Variants in CCDC57 observed in about 807,000 individuals in gnomAD.
CCDC57 encodes coiled-coil domain containing 57, also known as coiled-coil domain-containing protein 57.
In CCDC57, 118 loss-of-function variants were observed where a neutral mutation model predicts 118.9. That is an observed-to-expected ratio of 0.99 (90% CI 0.86 to 1.16). CCDC57 has a LOEUF of 1.16. CCDC57 is among the 50% of genes most tolerant of loss of function. The pLI is 0.00. For missense variants in CCDC57, 1,300 were observed against 1,320.7 expected (o/e 0.98, Z 0.24); for synonymous variants, 527 against 532.9 (o/e 0.99, Z 0.15).
intron 7 of CCDC57, among the ~76,000 whole-genome samples, chr17:82,191,863 T>A (rs2047703453): frequency 6.6e-6 from 1 of 151,900 alleles, no homozygotes; most frequent in Admixed American, 6.6e-5. Flanking sequence ...AGAAGGGGTT[T>A]TGCTATGTTG....
At chr17:82,103,838 C>A (rs564194144) in intron 19 of CCDC57, among the ~76,000 whole-genome samples, 45 of 149,008 alleles carry the variant, frequency 3.0e-4, no homozygotes, top group African/African-American at 1.1e-3. Flanking sequence ...CAGGGAGGGG[C>A]AGGGAGGGGC....
chr17:82,119,115 T>C (rs1374638809), intron 19 of CCDC57, among the ~76,000 whole-genome samples: 6 of 2,174 alleles, frequency 2.8e-3, no homozygotes, highest in Non-Finnish European at 4.3e-3. Context: ...GGGGTGGGAG[T>C]GGGGGCAGGG....
At chr17:82,152,444 T>G in intron 15 of CCDC57, 1 of 154,290 alleles carries the variant, frequency 6.5e-6, no homozygotes, top group Non-Finnish European at 1.4e-5. Context: ...CTGGCTGGGC[T>G]CCCCCTTAGC....
At chr17:82,196,064 A>C (rs1326712893) in intron 4 of CCDC57, among the ~76,000 whole-genome samples, 2 of 152,238 alleles carry the variant, frequency 1.3e-5, no homozygotes, top group African/African-American at 4.8e-5. Flanking sequence ...AGTCAGCCAT[A>C]GTCACGGCCC....
intron 13 of CCDC57, among the ~76,000 whole-genome samples, chr17:82,166,343 C>G (rs2043980285): frequency 9.0e-6 from 1 of 110,770 alleles, no homozygotes; most frequent in Non-Finnish European, 1.8e-5. Context: ...AACCCCATCT[C>G]TACAAAAAAA....
chr17:82,132,453 A>G (rs1038206077), intron 17 of CCDC57, among the ~76,000 whole-genome samples: 5 of 152,148 alleles, frequency 3.3e-5, no homozygotes, highest in African/African-American at 1.2e-4. Flanking sequence ...TGCAGTGGGA[A>G]TTCGGGACTG....
intron 19 of CCDC57, among the ~76,000 whole-genome samples, chr17:82,115,290 GA>G (rs1161095193): frequency 7.7e-5 from 11 of 142,120 alleles, no homozygotes; most frequent in Non-Finnish European, 1.7e-4. Flanking sequence ...GAGGGGGCAA[GA>G]GGGGGCAAGA....
chr17:82,194,228 G>A, intron 5 of CCDC57, 89 bp from the exon 5 acceptor site: 1 of 1,351,706 alleles, frequency 7.4e-7, no homozygotes, highest in Non-Finnish European at 1.0e-6. Flanking sequence ...TATCAGGATT[G>A]GGAGGGAGAA....
intron 11 of CCDC57, among the ~76,000 whole-genome samples, chr17:82,175,071 G>A (rs764272573): frequency 6.6e-6 from 1 of 152,216 alleles, no homozygotes; most frequent in African/African-American, 2.4e-5. Context: ...TAAGAAAATC[G>A]CTAGGTGCGT....
chr17:82,107,046 G>A (rs562559625), intron 19 of CCDC57, among the ~76,000 whole-genome samples: 16 of 152,246 alleles, frequency 1.1e-4, no homozygotes, highest in African/African-American at 3.1e-4. Context: ...GCAGGAGGGC[G>A]GACAGCTGGG....
chr17:82,148,125 A>AGATGGATGGATG (rs143199335), intron 16 of CCDC57, among the ~76,000 whole-genome samples: 11 of 75,858 alleles, frequency 1.5e-4, no homozygotes, highest in African/African-American at 6.6e-4. Flanking sequence ...TTGGATGGTT[A>AGATGGATGGATG]GATGGATGGA....
intron 7 of CCDC57, among the ~76,000 whole-genome samples, chr17:82,189,396 T>C (rs917609254): frequency 2.0e-5 from 3 of 152,244 alleles, no homozygotes; most frequent in African/African-American, 4.8e-5. Context: ...TGTAATGTTA[T>C]GTAAGCCATC....
chr17:82,179,378 C>T (rs1276883701), intron 9 of CCDC57, among the ~76,000 whole-genome samples, 189 bp from the exon 9 acceptor site: 5 of 152,172 alleles, frequency 3.3e-5, no homozygotes, highest in African/African-American at 7.2e-5. Context: ...GACGAGCAGG[C>T]GCCAAGGATG....
rs757453286 is a variant in CCDC57, at chr17:82,188,289, C to T, written c.982G>A (p.Glu328Lys). ...CACTCTGCCCTGCGGAGCTGCGCCT[C>T]GAGGGTCTCGCAGTGGGCCTGCAGC... Residue 328 changes from glutamate to lysine, a missense_variant, in exon 8 of 20, where the codon GAG (glutamate) becomes AAG (lysine). Physicochemically the swap from Glu to Lys is moderately conservative, Grantham distance 56. Coordinates refer to ENST00000665763, the Ensembl canonical transcript of CCDC57. 6.3e-6 allele frequency: 10 copies of T among 1,589,190 alleles called. No individual in the cohort carries two copies. In the East Asian group the frequency reaches 9.2e-5, roughly 15 times the overall value.
chr17:82,186,555 G>A (rs1292940940), intron 8 of CCDC57, among the ~76,000 whole-genome samples: 2 of 152,164 alleles, frequency 1.3e-5, no homozygotes, highest in African/African-American at 2.4e-5. Context: ...AACACAGCAT[G>A]CTGAATCTAG....
chr17:82,203,568 T>C (rs2049245764), intron 2 of CCDC57, among the ~76,000 whole-genome samples: 1 of 152,176 alleles, frequency 6.6e-6, no homozygotes, highest in South Asian at 2.1e-4. Flanking sequence ...ATCCCAACAT[T>C]TTCTGAGGCT....
intron 7 of CCDC57, among the ~76,000 whole-genome samples, chr17:82,188,746 C>A (rs1172886502): frequency 6.6e-6 from 1 of 152,218 alleles, no homozygotes; most frequent in African/African-American, 2.4e-5. Context: ...TCCGATCAAC[C>A]TGCGAAAGCA....
At chr17:82,211,584 G>A (rs906511883) in intron 1 of CCDC57, among the ~76,000 whole-genome samples, 1 of 129,542 alleles carries the variant, frequency 7.7e-6, no homozygotes, top group African/African-American at 3.2e-5. Context: ...TTTCGCTCTT[G>A]TCTCCCAGAC....
chr17:82,194,546 G>C (rs931519498), intron 5 of CCDC57, among the ~76,000 whole-genome samples: 5 of 151,946 alleles, frequency 3.3e-5, no homozygotes, highest in South Asian at 2.1e-4. Context: ...CTGACCTCAG[G>C]TGATCCACCC....
Sources: gnomAD v4.1 joint callset for allele counts (sites outside exome capture counted in the v4.1 genomes callset) on GRCh38, gnomAD v4.1.1 for gene constraint, MANE v1.5 for transcripts, NCBI Gene and HGNC (gene_info 2026-07-23, HGNC 2026-07-21) for gene names.